Variants in MAF observed in about 807,000 individuals in gnomAD.
MAF encodes MAF bZIP transcription factor, also known as transcription factor Maf.
MAF carries 10 observed loss-of-function variants against 22.0 expected under a neutral mutation model. The observed-to-expected ratio is 0.45, with a 90% CI of 0.28 to 0.77. The LOEUF (loss-of-function observed/expected upper bound fraction) is 0.77, where lower values mean the gene tolerates loss of function less well. Among genes scored for constraint, MAF ranks in the 30% least tolerant of loss-of-function variants. The pLI, the probability that MAF is intolerant of heterozygous loss-of-function variation, is 0.12. For synonymous variants in MAF, 337 were observed against 255.8 expected, an observed-to-expected ratio of 1.32 and a Z score of -3.03; for missense variants, 544 against 548.4, an observed-to-expected ratio of 0.99 and a Z score of 0.08.
the MAF span, among the ~76,000 whole-genome samples, chr16:79,374,618 G>C: frequency 6.6e-6 from 1 of 152,130 alleles, no homozygotes; most frequent in African/African-American, 2.4e-5. Flanking sequence ...CCACAATGAA[G>C]GCACTGGGGC....
At chr16:79,471,043 T>G in the MAF span, among the ~76,000 whole-genome samples, 1,152 of 152,308 alleles carry the variant, frequency 7.6e-3, 3 homozygotes, top group Non-Finnish European at 0.012. Flanking sequence ...TTCACCATCA[T>G]TCTTGCAGAT....
chr16:79,537,595 G>C, the MAF span, among the ~76,000 whole-genome samples: 62 of 152,228 alleles, frequency 4.1e-4, no homozygotes, highest in African/African-American at 1.4e-3. Flanking sequence ...CCGCTCTGTG[G>C]CTCTTTACCC....
chr16:79,585,673 G>A (rs1213136838), downstream of MAF, among the ~76,000 whole-genome samples: 1 of 152,110 alleles, frequency 6.6e-6, no homozygotes, highest in South Asian at 2.1e-4. Context: ...TATATCGCAT[G>A]TATCCCTCCT....
chr16:79,311,993 A>G, the MAF span, among the ~76,000 whole-genome samples: 2 of 152,038 alleles, frequency 1.3e-5, no homozygotes, highest in Non-Finnish European at 1.5e-5. Flanking sequence ...ATTAAAGTCC[A>G]CTTCCCCACT....
the MAF span, among the ~76,000 whole-genome samples, chr16:79,223,260 T>C: frequency 6.6e-4 from 100 of 152,314 alleles, 2 homozygotes; most frequent in African/African-American, 2.3e-3. Flanking sequence ...TGCTCCTGAA[T>C]GACTACTGGG....
chr16:79,295,948 A>G, the MAF span, among the ~76,000 whole-genome samples: 2 of 152,168 alleles, frequency 1.3e-5, no homozygotes, highest in East Asian at 1.9e-4. Flanking sequence ...GGGCCTTCCT[A>G]AAGTCAGTAC....
chr16:79,307,517 C>A, the MAF span, among the ~76,000 whole-genome samples: 2 of 152,180 alleles, frequency 1.3e-5, no homozygotes, highest in African/African-American at 4.8e-5. Flanking sequence ...AGGAAATACC[C>A]CACACACATC....
At chr16:79,383,733 T>A in the MAF span, among the ~76,000 whole-genome samples, 10 of 152,314 alleles carry the variant, frequency 6.6e-5, no homozygotes, top group Middle Eastern at 3.4e-3. Flanking sequence ...TTTGAAAGCA[T>A]CATTTTTTGA....
the MAF span, among the ~76,000 whole-genome samples, chr16:79,443,971 C>T: frequency 1.3e-5 from 2 of 151,856 alleles, no homozygotes; most frequent in African/African-American, 4.8e-5. Flanking sequence ...AACCAAACAA[C>T]TAAAATGTCT....
the MAF span, among the ~76,000 whole-genome samples, chr16:79,450,043 G>T: frequency 6.6e-6 from 1 of 152,184 alleles, no homozygotes; most frequent in Non-Finnish European, 1.5e-5. Flanking sequence ...AAATCTGAGG[G>T]AAACCCATGT....
chr16:79,244,057 A>T, the MAF span, among the ~76,000 whole-genome samples: 1 of 152,012 alleles, frequency 6.6e-6, no homozygotes, highest in Non-Finnish European at 1.5e-5. Context: ...GTATTGATGG[A>T]ACGTATCTCA....
At chr16:79,393,383 T>C in the MAF span, among the ~76,000 whole-genome samples, 11 of 152,220 alleles carry the variant, frequency 7.2e-5, no homozygotes, top group East Asian at 2.1e-3. Context: ...AGTGACAGGA[T>C]TCCTAGGCAA....
At chr16:79,512,851 G>A in the MAF span, among the ~76,000 whole-genome samples, 16 of 152,186 alleles carry the variant, frequency 1.1e-4, no homozygotes, top group African/African-American at 1.7e-4. Context: ...GCCCAGGGCC[G>A]TGGGCAGCAC....
chr16:79,492,326 C>G, the MAF span, among the ~76,000 whole-genome samples: 1 of 152,100 alleles, frequency 6.6e-6, no homozygotes, highest in Non-Finnish European at 1.5e-5. Context: ...AAATTCAACA[C>G]TATAATTAAT....
the MAF span, among the ~76,000 whole-genome samples, chr16:79,558,675 G>C: frequency 6.6e-6 from 1 of 152,134 alleles, no homozygotes; most frequent in Non-Finnish European, 1.5e-5. Flanking sequence ...CAGGCCCTGA[G>C]GATACACCGT....
the MAF span, among the ~76,000 whole-genome samples, chr16:79,240,514 A>C: frequency 2.0e-5 from 2 of 100,904 alleles, no homozygotes; most frequent in Non-Finnish European, 3.5e-5. Context: ...AAAAAAAAAA[A>C]AAAAAAAAAA....
chr16:79,538,782 C>T, the MAF span, among the ~76,000 whole-genome samples: 43 of 150,848 alleles, frequency 2.9e-4, no homozygotes, highest in African/African-American at 9.8e-4. Flanking sequence ...GCTGAGATCA[C>T]ACCACTACGC....
chr16:79,251,580 G>A, the MAF span, among the ~76,000 whole-genome samples: 2 of 147,854 alleles, frequency 1.4e-5, no homozygotes, highest in African/African-American at 4.9e-5. Flanking sequence ...GCCTCCCAAA[G>A]TGCTGGCATG....
downstream of MAF, among the ~76,000 whole-genome samples, chr16:79,592,881 C>G (rs1038693173): frequency 2.0e-5 from 3 of 152,182 alleles, no homozygotes; most frequent in Non-Finnish European, 2.9e-5. Context: ...TAGTGGGGAA[C>G]CTTGCAAATC....
Sources: allele counts gnomAD v4.1 joint callset (sites outside exome capture counted in the v4.1 genomes callset), GRCh38; gene constraint gnomAD v4.1.1; transcripts MANE v1.5; gene names NCBI Gene and HGNC (gene_info 2026-07-23, HGNC 2026-07-21).